The following ACAD8 variants were observed in gnomAD, a reference collection of about 807,000 sequenced individuals.
The protein encoded by ACAD8 is acyl-CoA dehydrogenase family member 8, also known as isobutyryl-CoA dehydrogenase, mitochondrial.
Under a neutral mutation model 53.1 loss-of-function variants are expected in ACAD8, and 47 were observed. The observed-to-expected ratio is 0.89, with a 90% CI of 0.70 to 1.13. The LOEUF is 1.13. ACAD8 is among the 50% of genes most tolerant of loss of function. The probability of loss-of-function intolerance (pLI) is 0.00; values close to 1 mark genes in which losing one functional copy is unlikely to be tolerated. For synonymous variants in ACAD8, 198 were observed against 201.3 expected (o/e 0.98, Z 0.14); for missense variants, 494 against 535.0 (o/e 0.92, Z 0.76).
rs80190823 is a variant in ACAD8 at position 134,262,765 on chromosome 11, C to T, written c.1195+143C>T. 8.9e-4 allele frequency: 1,330 copies of T among 1,502,524 alleles called. 27 individuals carry two copies. The East Asian group carries it at 0.032, about 36-fold the overall frequency. 93.1% of individuals were successfully genotyped at this position (1,502,524 alleles called of 1,614,324 possible). A position where few individuals can be genotyped will look rare whatever the true frequency, so the allele number is the denominator to read the frequency against. On this transcript the variant is annotated intron_variant, in intron 10 of 10. Transcript: ENST00000281182. The stretch of plus-strand genomic sequence containing the variant: ...CGAGGCTTCCTCCTCCCTCCCGTTC[C>T]GCAGAGCTGTTCTGGCAGGGGCCTG...
chr11:134,257,410 G>A (rs937580864), intron 3 of ACAD8, among the ~76,000 whole-genome samples, 153 bp downstream of exon 3: 4 of 152,136 alleles, frequency 2.6e-5, no homozygotes, highest in Admixed American at 1.3e-4. Flanking sequence ...GCAGTGGCTC[G>A]TGCCTGTAAT....
At chr11:134,260,750 G>A in intron 6 of ACAD8, 1 of 453,810 alleles carries the variant, frequency 2.2e-6, no homozygotes, top group South Asian at 2.1e-5. Flanking sequence ...CTGAAATTGG[G>A]GGCAGTTGGT....
intron 1 of ACAD8, among the ~76,000 whole-genome samples, chr11:134,255,931 A>G (rs1408315802): frequency 6.6e-6 from 1 of 152,026 alleles, no homozygotes; most frequent in African/African-American, 2.4e-5. Context: ...TTTGAAACAG[A>G]GTCTTGCTCT....
Position 134,258,581 on chromosome 11 carries a change from C to G in ACAD8, c.447C>G (p.Leu149=), listed in dbSNP as rs1206568236. The G allele has an allele frequency of 1.2e-6, 2 of 1,614,096 alleles. No individual in the cohort carries two copies. The highest frequency in any genetic ancestry group is 2.2e-5 in the South Asian group (2 of 91,046). The part of the protein sequence containing the change: ...EEQRHKFCPP[L]CTMEKFASYC... ...AGAGGCACAAATTTTGCCCACCGCT[C>G]TGTACCATGGAGAAGTTTGCTTCCT... Residue 149 remains leucine, a synonymous_variant, in exon 4 of 11, where the codon CTC becomes CTG. Transcript: ENST00000281182.
intron 1 of ACAD8, among the ~76,000 whole-genome samples, chr11:134,254,630 G>A (rs1939371909): frequency 6.6e-6 from 1 of 152,220 alleles, no homozygotes; most frequent in Non-Finnish European, 1.5e-5. Context: ...AAGAGGTGCT[G>A]CCCTGGCCTA....
In ACAD8 at chr11:134,261,837, G is replaced by T. The variant is rs1591515530; in HGVS notation, c.1039G>T (p.Ala347Ser). Residue 347 changes from alanine to serine, a missense_variant, in exon 9 of 11, where the codon GCA becomes TCA. Ala to Ser is a moderately conservative substitution (Grantham distance 99). Coordinates refer to ENST00000281182, the MANE Select transcript of ACAD8 (RefSeq NM_014384.3). This position sits in a 1 kb window ranked among gnomAD's most constrained non-coding sequence, Gnocchi z 4.2. Reference sequence around the variant, plus strand: ...GGCTCTGCAGGAGGAGAGGAAGGATGCAGTGGCCTTGTGCTCCATGGCCAA... The same window carrying T: ...GGCTCTGCAGGAGGAGAGGAAGGATTCAGTGGCCTTGTGCTCCATGGCCAA... Reference protein sequence around the residue: ...AVALQEERKDAVALCSMAKLF... With the variant: ...AVALQEERKDSVALCSMAKLF... The T allele has an allele frequency of 6.2e-7, 1 of 1,614,220 alleles. No homozygotes were observed. Among genetic ancestry groups the T allele is most frequent in the Non-Finnish European group, 8.5e-7 (1 of 1,180,036 alleles).
Position 134,261,380 on chromosome 11 carries a change from C to T in ACAD8, c.939+8C>T. On this transcript the variant is annotated splice_region_variant and intron_variant, in intron 8 of 10. Transcript: ENST00000281182. The surrounding 1 kb of genome is among the most constrained non-coding windows in gnomAD (Gnocchi z 4.2). ...CCTCTGGCCAGTAACCAGGTAACCT[C>T]TGCCTTGCCTCCACATGGCTTTGCA... 1.2e-6 allele frequency: 2 copies of T among 1,614,010 alleles called. No homozygotes were observed. Among genetic ancestry groups the T allele is most frequent in the Non-Finnish European group, 1.7e-6 (2 of 1,179,900 alleles).
rs777756488 is a variant in ACAD8 at position 134,259,085 on chromosome 11, G to A, written c.567+1G>A. ...TCATTACATCCTCAATGGCTCCAAG[G>A]TACTAGCGTGCGTCCTCCCAGAGCA... is the stretch of plus-strand genomic sequence containing the variant. On this transcript the variant is annotated splice_donor_variant, in intron 5 of 10. Transcript: ENST00000281182. LOFTEE classifies it high-confidence loss of function. The A allele has an allele frequency of 1.9e-6, 3 of 1,613,960 alleles. No individual in the cohort carries two copies. Among genetic ancestry groups the A allele is most frequent in the Non-Finnish European group, 2.5e-6 (3 of 1,179,848 alleles).
chr11:134,258,718 C>T (rs1173176444), intron 4 of ACAD8, 94 bp downstream of exon 4: 5 of 958,556 alleles, frequency 5.2e-6, no homozygotes, highest in East Asian at 2.6e-5. Context: ...CTTGACATGT[C>T]GAGCCACTGT....
Position 134,261,705 on chromosome 11 carries a change from GTCTT to G in ACAD8, c.940-32_940-29del, listed in dbSNP as rs1939890684. On this transcript the variant is annotated intron_variant, in intron 8 of 10. Transcript: ENST00000281182. The surrounding 1 kb of genome is among the most constrained non-coding windows in gnomAD (Gnocchi z 4.2). ...ACCAGGTGCTGGTCTAAGCCCCTCA[GTCTT>G]GTCTGGTTCTCTGCTCCCTGTGCTG... 4 of 1,611,668 alleles carry G rather than the reference GTCTT, an allele frequency of 2.5e-6. No individual in the cohort carries two copies. The South Asian group carries it at 4.4e-5, about 18-fold the overall frequency.
Position 134,264,989 on chromosome 11 carries a change from A to C in ACAD8, c.*29A>C. 1.2e-6 allele frequency: 2 copies of C among 1,610,532 alleles called. No individual in the cohort carries two copies. The highest frequency in any genetic ancestry group is 8.5e-7 in the Non-Finnish European group (1 of 1,176,748). ...CCACACTTGTTCTGGCCTGGTGTTC[A>C]GTGCGACTGCAGTCAGTGTTGAGTG... On this transcript the variant is annotated 3_prime_UTR_variant, in exon 11 of 11. Coordinates refer to ENST00000281182, the MANE Select transcript of ACAD8 (RefSeq NM_014384.3).
At chr11:134,257,779 T>C (rs150172253) in intron 3 of ACAD8, 11 of 182,966 alleles carry the variant, frequency 6.0e-5, no homozygotes, top group Non-Finnish European at 1.2e-5. Context: ...GCCAGCTTTC[T>C]CAGAAATCTT....
rs755736421 is a variant in ACAD8 at position 134,253,670 on chromosome 11, G to C, written c.70G>C (p.Val24Leu). 6.3e-7 allele frequency: 1 copy of C among 1,599,506 alleles called. No homozygotes were observed. The highest frequency in any genetic ancestry group is 8.5e-7 in the Non-Finnish European group (1 of 1,174,312). The change falls in exon 1 of 11, where the codon GTC becomes CTC. Residue 24 changes from valine to leucine, a missense_variant. Transcript: ENST00000281182. Reference protein sequence around the residue: ...GCLPGGLRVLVQTGHRSLTSC... With the variant: ...GCLPGGLRVLLQTGHRSLTSC... ...CCTGCCCGGCGGTCTCCGGGTCCTCGTCCAGACCGGCCACCGGAGCTTGAC... is the reference window on the plus strand; with the variant it reads ...CCTGCCCGGCGGTCTCCGGGTCCTCCTCCAGACCGGCCACCGGAGCTTGAC...
intron 1 of ACAD8, 84 bp from the exon 2 acceptor site, chr11:134,256,464 C>A: frequency 9.2e-7 from 1 of 1,091,662 alleles, no homozygotes. Context: ...TCCACTTTCA[C>A]AACTTCGTGG....
chr11:134,254,966 T>G (rs1197199537), intron 1 of ACAD8, among the ~76,000 whole-genome samples: 2 of 152,246 alleles, frequency 1.3e-5, no homozygotes, highest in Non-Finnish European at 2.9e-5. Context: ...TGCATATGAT[T>G]TGCATAAAAC....
chr11:134,256,743 C>T, intron 2 of ACAD8, 95 bp downstream of exon 2: 1 of 1,112,160 alleles, frequency 9.0e-7, no homozygotes, highest in Non-Finnish European at 1.3e-6. Flanking sequence ...TAAATGTCTC[C>T]TCCACTTACC....
intron 1 of ACAD8, among the ~76,000 whole-genome samples, chr11:134,254,599 T>C (rs1939368473): frequency 1.3e-5 from 2 of 152,372 alleles, no homozygotes; most frequent in South Asian, 4.1e-4. Context: ...TGTTTTCTTC[T>C]GAATGTCCTA....
chr11:134,254,453 T>C (rs963766573), intron 1 of ACAD8, among the ~76,000 whole-genome samples: 6 of 152,252 alleles, frequency 3.9e-5, no homozygotes, highest in Non-Finnish European at 8.8e-5. Context: ...TTGTGACTTC[T>C]CTGCCAAGAA....
rs1160405320 is a variant in ACAD8 at position 134,253,659 on chromosome 11, T to G, written c.59T>G (p.Leu20Arg). 3 of 1,598,274 alleles carry G rather than the reference T, an allele frequency of 1.9e-6. No individual in the cohort carries two copies. Among genetic ancestry groups the G allele is most frequent in the Non-Finnish European group, 2.6e-6 (3 of 1,174,020 alleles). Reference sequence around the variant, plus strand: ...CGCCTCGGCTGCCTGCCCGGCGGTCTCCGGGTCCTCGTCCAGACCGGCCAC... The same window carrying G: ...CGCCTCGGCTGCCTGCCCGGCGGTCGCCGGGTCCTCGTCCAGACCGGCCAC... ...GARLGCLPGG[L>R]RVLVQTGHRS... Residue 20 changes from leucine to arginine, a missense_variant, in exon 1 of 11, where the codon CTC becomes CGC. Coordinates refer to ENST00000281182, the MANE Select transcript of ACAD8 (RefSeq NM_014384.3).
Sources: allele counts gnomAD v4.1 joint callset (sites outside exome capture counted in the v4.1 genomes callset), GRCh38; gene constraint gnomAD v4.1.1; non-coding constraint Gnocchi (gnomAD v3.1); transcripts MANE v1.5; gene names NCBI Gene and HGNC (gene_info 2026-07-23, HGNC 2026-07-21).